ANKRD30BL: variants seen among roughly 807,000 people sequenced by gnomAD.
ANKRD30BL encodes the protein putative ankyrin repeat domain-containing protein 30B-like.
ANKRD30BL carries 20 observed loss-of-function variants against 18.4 expected under a neutral mutation model. That is an observed-to-expected ratio of 1.09 (90% confidence interval 0.77 to 1.58). The LOEUF (loss-of-function observed/expected upper bound fraction) is 1.58. ANKRD30BL is among the 40% of genes most tolerant of loss of function. ANKRD30BL has a pLI of 0.00. For synonymous variants in ANKRD30BL, 72 were observed against 100.9 expected, an observed-to-expected ratio of 0.71 and a Z score of 1.72; for missense variants, 224 against 268.6, an observed-to-expected ratio of 0.83 and a Z score of 1.16.
At chr2:132,222,270 G>T (rs1208598009) in intron 1 of ANKRD30BL, among the ~76,000 whole-genome samples, 2 of 150,766 alleles carry the variant, frequency 1.3e-5, no homozygotes, top group Non-Finnish European at 3.0e-5. Flanking sequence ...GGGCGCTTCT[G>T]CCCGGCCGCC....
At chr2:132,210,057 A>C (rs1470623947) in intron 1 of ANKRD30BL, among the ~76,000 whole-genome samples, 4 of 152,172 alleles carry the variant, frequency 2.6e-5, no homozygotes, top group Non-Finnish European at 5.9e-5. Flanking sequence ...AAACATTCTG[A>C]GAAACTTCTT....
chr2:132,249,046 G>T (rs371851099), intron 1 of ANKRD30BL, among the ~76,000 whole-genome samples: 6,651 of 98,054 alleles, frequency 0.068, no homozygotes, highest in Non-Finnish European at 0.077. Flanking sequence ...TCAATGAAAA[G>T]AAACGTTTAC....
chr2:132,235,942 T>C (rs1411421241), intron 1 of ANKRD30BL, among the ~76,000 whole-genome samples: 4 of 152,074 alleles, frequency 2.6e-5, no homozygotes, highest in Non-Finnish European at 5.9e-5. Flanking sequence ...CAAACTATAC[T>C]GCAAAGCTAC....
intron 1 of ANKRD30BL, among the ~76,000 whole-genome samples, chr2:132,177,800 G>A (rs1156709041): frequency 2.0e-5 from 3 of 152,090 alleles, no homozygotes; most frequent in Non-Finnish European, 1.5e-5. Context: ...TGGTTATATT[G>A]ACCCCTAACC....
chr2:132,231,441 C>G (rs1300111203), intron 1 of ANKRD30BL, among the ~76,000 whole-genome samples: 1 of 152,198 alleles, frequency 6.6e-6, no homozygotes, highest in Non-Finnish European at 1.5e-5. Context: ...GTTCATCTCA[C>G]TAGGGAGTGC....
intron 1 of ANKRD30BL, among the ~76,000 whole-genome samples, chr2:132,229,048 T>C (rs1284946044): frequency 6.6e-6 from 1 of 152,128 alleles, no homozygotes; most frequent in Admixed American, 6.6e-5. Context: ...AAGCTCCCTT[T>C]TTGTATAATC....
intron 1 of ANKRD30BL, among the ~76,000 whole-genome samples, chr2:132,202,074 T>C (rs1429563138): frequency 6.6e-6 from 1 of 151,896 alleles, no homozygotes; most frequent in Non-Finnish European, 1.5e-5. Flanking sequence ...TTCTCACTCA[T>C]AGGTGGGAAT....
rs370233376 is a variant in ANKRD30BL, at chr2:132,220,970, C to T, written n.441+36559G>A. On this transcript the variant is annotated intron_variant and non_coding_transcript_variant, in intron 1 of 4. Transcript: ENST00000470729. ...CTAGGAAGTGAGGAGCGTCTCTGCC[C>T]GGCCGCCCATCGTCTGAGAGGTGGG... 7.2e-3 allele frequency among the ~76,000 whole-genome samples: 1,066 copies of T among 148,024 alleles called. 6 individuals carry two copies. Among genetic ancestry groups the T allele is most frequent in the East Asian group, 0.012 (58 of 5,000 alleles).
intron 1 of ANKRD30BL, among the ~76,000 whole-genome samples, chr2:132,169,759 A>G (rs2104940221): frequency 6.6e-6 from 1 of 152,088 alleles, no homozygotes; most frequent in Non-Finnish European, 1.5e-5. Flanking sequence ...CAGGTGAAAC[A>G]TTGGTCAAGT....
At chr2:132,179,619 T>C (rs1343869315) in intron 1 of ANKRD30BL, among the ~76,000 whole-genome samples, 4 of 152,022 alleles carry the variant, frequency 2.6e-5, no homozygotes, top group African/African-American at 7.2e-5. Context: ...GGGTACTACT[T>C]ATTAAAAAAG....
intron 1 of ANKRD30BL, among the ~76,000 whole-genome samples, chr2:132,247,202 A>C (rs998001895): frequency 2.0e-5 from 3 of 151,588 alleles, no homozygotes; most frequent in African/African-American, 7.3e-5. Flanking sequence ...TGATGTCTGC[A>C]TTCAACTCAC....
chr2:132,163,357 T>C (rs1002242258), upstream of ANKRD30BL, among the ~76,000 whole-genome samples: 13 of 152,012 alleles, frequency 8.6e-5, no homozygotes, highest in Non-Finnish European at 1.9e-4. Flanking sequence ...AGATTGATTG[T>C]GGCAGGATCA....
At chr2:132,159,619 GTTGAT>G (rs1309529733) in intron 1 of ANKRD30BL, among the ~76,000 whole-genome samples, 2 of 152,130 alleles carry the variant, frequency 1.3e-5, no homozygotes, top group East Asian at 3.9e-4. Flanking sequence ...CGGGTTTTTT[GTTGAT>G]TTAAGTGAAT....
At chr2:132,220,833 G>C (rs1440616593) in intron 1 of ANKRD30BL, among the ~76,000 whole-genome samples, 1 of 148,162 alleles carries the variant, frequency 6.7e-6, no homozygotes, top group East Asian at 2.0e-4. Context: ...CCATCGTCTG[G>C]GATATGAGGA....
intron 1 of ANKRD30BL, among the ~76,000 whole-genome samples, chr2:132,237,571 T>G (rs370604420): frequency 6.6e-6 from 1 of 151,988 alleles, no homozygotes; most frequent in African/African-American, 2.4e-5. Flanking sequence ...AATTTGCAAG[T>G]GGATATTCGG....
intron 1 of ANKRD30BL, among the ~76,000 whole-genome samples, chr2:132,159,609 C>T (rs368710217): frequency 6.6e-6 from 1 of 151,986 alleles, no homozygotes; most frequent in African/African-American, 2.4e-5. Flanking sequence ...TTATAATTAG[C>T]GGGTTTTTTG....
chr2:132,226,481 C>T (rs200251421), intron 1 of ANKRD30BL, among the ~76,000 whole-genome samples: 45 of 145,540 alleles, frequency 3.1e-4, no homozygotes, highest in African/African-American at 5.1e-4. Flanking sequence ...TGCAAGTGGG[C>T]ATTAGGAGCA....
At chr2:132,221,096 G>A (rs556297655) in intron 1 of ANKRD30BL, among the ~76,000 whole-genome samples, 25 of 144,970 alleles carry the variant, frequency 1.7e-4, no homozygotes, top group African/African-American at 2.7e-4. Flanking sequence ...CAACCGCCCC[G>A]TCTGAGAAGT....
chr2:132,191,708 T>C (rs909424953), intron 1 of ANKRD30BL, among the ~76,000 whole-genome samples: 19 of 152,098 alleles, frequency 1.2e-4, no homozygotes, highest in African/African-American at 3.9e-4. Flanking sequence ...TTTGTTATTG[T>C]GTTGTTTGAC....
Sources: gnomAD v4.1 joint callset for allele counts (sites outside exome capture counted in the v4.1 genomes callset) on GRCh38, gnomAD v4.1.1 for gene constraint, MANE v1.5 for transcripts, NCBI Gene and HGNC (gene_info 2026-07-23, HGNC 2026-07-21) for gene names.